WNT5B: variants seen among roughly 807,000 people sequenced by gnomAD.
WNT5B encodes protein Wnt-5b.
A neutral mutation model predicts 36.5 loss-of-function variants in WNT5B; 18 were observed. The ratio of observed to expected loss-of-function variants is 0.49; its 90% CI spans 0.34 to 0.73. The LOEUF (loss-of-function observed/expected upper bound fraction) is 0.73, where lower values mean the gene tolerates loss of function less well. Among genes scored for constraint, WNT5B ranks in the 30% least tolerant of loss-of-function variants. The pLI, the probability that WNT5B is intolerant of heterozygous loss-of-function variation, is 0.01. For synonymous variants in WNT5B, 213 were observed against 212.3 expected, an observed-to-expected ratio of 1.00 and a Z score of -0.03; for missense variants, 424 against 508.4, an observed-to-expected ratio of 0.83 and a Z score of 1.60.
rs771521147 is a variant in WNT5B, at chr12:1,639,712, G to A, written c.357G>A (p.Ala119=). ...IGSRETAFTH[A]VSAAGVVNAI... is the part of the protein sequence containing the mutation. ...GCCGAGAGACCGCCTTCACCCACGC[G>A]GTGAGCGCCGCGGGCGTGGTCAACG... is the stretch of plus-strand genomic sequence containing the variant. Residue 119 remains alanine, a synonymous_variant, in exon 4 of 5, where the codon GCG becomes GCA. Transcript: ENST00000397196. The A allele has an allele frequency of 5.5e-5, 87 of 1,583,952 alleles. No homozygotes were observed. The African/African-American group carries it at 9.1e-4, about 17-fold the overall frequency.
chr12:1,639,633 TC>T, intron 3 of WNT5B, 50 bp from the exon 4 acceptor site: 4 of 1,441,846 alleles, frequency 2.8e-6, no homozygotes, highest in Admixed American at 2.8e-5. Context: ...GAAGGACAGG[TC>T]CCCGGGAGAG....
intron 4 of WNT5B, 31 bp from the exon 5 acceptor site, chr12:1,645,763 C>G (rs761966456): frequency 6.5e-7 from 1 of 1,540,974 alleles, no homozygotes; most frequent in Non-Finnish European, 8.8e-7. Flanking sequence ...CCGGGATCCT[C>G]CTTCTTACTG....
chr12:1,646,092 C>A lies in WNT5B; in HGVS notation c.920C>A (p.Thr307Asn). ...LGTQGRLCNK[T>N]SEGMDGCELM... ...ACGCAGGGCCGCCTCTGCAACAAGACCTCGGAGGGCATGGATGGCTGTGAG... is the reference window on the plus strand; with the variant it reads ...ACGCAGGGCCGCCTCTGCAACAAGAACTCGGAGGGCATGGATGGCTGTGAG... Residue 307 changes from threonine to asparagine, a missense_variant, in exon 5 of 5, where the codon ACC becomes AAC. By Grantham distance (65) the Thr-to-Asn change is moderately conservative. Coordinates refer to ENST00000397196, the MANE Select transcript of WNT5B (RefSeq NM_032642.3). 6.2e-7 allele frequency: 1 copy of A among 1,614,016 alleles called. No homozygotes were observed. The highest frequency in any genetic ancestry group is 8.5e-7 in the Non-Finnish European group (1 of 1,180,050).
chr12:1,640,128 T>C (rs1391893457), intron 4 of WNT5B, 152 bp downstream of exon 4: 14 of 925,276 alleles, frequency 1.5e-5, no homozygotes, highest in Non-Finnish European at 2.2e-5. Flanking sequence ...GTCCACGTTA[T>C]TGAACAAATC....
intron 1 of WNT5B, among the ~76,000 whole-genome samples, chr12:1,621,904 G>A (rs1300801292): frequency 1.3e-5 from 2 of 151,982 alleles, no homozygotes; most frequent in African/African-American, 4.8e-5. Context: ...TGAAAACAGT[G>A]GAAATTATTG....
upstream of WNT5B, among the ~76,000 whole-genome samples, chr12:1,627,216 C>G (rs12422373): frequency 0.28 from 42,770 of 152,056 alleles, 6,168 homozygotes; most frequent in South Asian, 0.4. The surrounding 1 kb of genome is among the most constrained non-coding windows in gnomAD (Gnocchi z 5.0). Flanking sequence ...CAAAGGAGGC[C>G]TGCTCAGCAC....
At chr12:1,634,999 C>T (rs1040811456) in intron 3 of WNT5B, among the ~76,000 whole-genome samples, 5 of 152,258 alleles carry the variant, frequency 3.3e-5, no homozygotes, top group East Asian at 3.9e-4. Context: ...TGAACTGTTG[C>T]GTATATAGAT....
intron 1 of WNT5B, among the ~76,000 whole-genome samples, chr12:1,624,088 A>G (rs147546057): frequency 1.3e-3 from 201 of 152,278 alleles, no homozygotes; most frequent in African/African-American, 4.6e-3. Context: ...GCAATGGTGC[A>G]ACGAAGAAAA....
At chr12:1,624,578 G>A (rs574612395), upstream of WNT5B, among the ~76,000 whole-genome samples, 3 of 152,152 alleles carry the variant, frequency 2.0e-5, no homozygotes, top group East Asian at 3.9e-4. Flanking sequence ...CACAAATGTT[G>A]GCAGAGATTA....
chr12:1,624,883 C>T (rs1469857298), upstream of WNT5B, among the ~76,000 whole-genome samples: 2 of 151,828 alleles, frequency 1.3e-5, no homozygotes, highest in African/African-American at 4.8e-5. Context: ...TTCATAAGGG[C>T]CGAAGAGGTT....
At chr12:1,620,547 T>G (rs550885231) in intron 1 of WNT5B, among the ~76,000 whole-genome samples, 13 of 151,992 alleles carry the variant, frequency 8.6e-5, no homozygotes, top group Non-Finnish European at 1.5e-4. Flanking sequence ...TGTTGTTGTT[T>G]TTTTTTTTTG....
At chr12:1,620,705 ATT>A (rs746469978) in intron 1 of WNT5B, among the ~76,000 whole-genome samples, 32,842 of 104,858 alleles carry the variant, frequency 0.31, 4,229 homozygotes, top group African/African-American at 0.41. Flanking sequence ...CACCCAGCAA[ATT>A]TTTTTTTTTT....
chr12:1,632,545 C>T lies in WNT5B; in HGVS notation c.81-113C>T. On this transcript the variant is annotated intron_variant, in intron 2 of 4. Coordinates refer to ENST00000397196, the MANE Select transcript of WNT5B (RefSeq NM_032642.3). This position sits in a 1 kb window ranked among gnomAD's most constrained non-coding sequence, Gnocchi z 5.8. ...GATTTACTAATTTTTCTTTCCAGGG[C>T]CTTGTACACAGGGACGCATTCAATA... 4 of 1,446,584 alleles carry T rather than the reference C, an allele frequency of 2.8e-6. No individual in the cohort carries two copies. The highest frequency in any genetic ancestry group is 3.7e-6 in the Non-Finnish European group (4 of 1,075,184). 89.6% of individuals were successfully genotyped at this position (1,446,584 alleles called of 1,614,324 possible).
rs2094547625 is a variant in WNT5B at position 1,630,169 on chromosome 12, G to A, written c.-58+798G>A. 5.1e-6 allele frequency: 5 copies of A among 985,414 alleles called. No individual in the cohort carries two copies. The highest frequency in any genetic ancestry group is 6.1e-5 in the Admixed American group (1 of 16,286). 61.0% of individuals were successfully genotyped at this position (985,414 alleles called of 1,614,324 possible). A position where few individuals can be genotyped will look rare whatever the true frequency, so the allele number is the denominator to read the frequency against. ...GCCGCCCCCTCCCGGGGAGCCTGGG[G>A]ACGCCGACGCGCGAGAGTGGCGCAG... On this transcript the variant is annotated intron_variant, in intron 1 of 4. Coordinates refer to ENST00000397196, the MANE Select transcript of WNT5B (RefSeq NM_032642.3). This position sits in a 1 kb window ranked among gnomAD's most constrained non-coding sequence, Gnocchi z 5.3.
rs2094585741 is a variant in WNT5B, at chr12:1,646,383, G to A, written c.*131G>A. On this transcript the variant is annotated 3_prime_UTR_variant, in exon 5 of 5. Transcript: ENST00000397196. ...GCTATACAATGGAAAGATGAAAATG[G>A]AAAGGAAGAGCTTATTTAAGAGACG... The A allele has an allele frequency of 2.6e-6, 2 of 781,572 alleles. No individual in the cohort carries two copies. The highest frequency in any genetic ancestry group is 3.5e-6 in the Non-Finnish European group (2 of 568,234). 48.4% of individuals were successfully genotyped at this position (781,572 alleles called of 1,614,324 possible).
chr12:1,624,501 T>C (rs1347340003), upstream of WNT5B, among the ~76,000 whole-genome samples: 1 of 152,110 alleles, frequency 6.6e-6, no homozygotes. Context: ...ACCATTCAAT[T>C]GCTGTATGAA....
At chr12:1,620,667 T>G (rs1382351836) in intron 1 of WNT5B, among the ~76,000 whole-genome samples, 1 of 151,128 alleles carries the variant, frequency 6.6e-6, no homozygotes, top group Non-Finnish European at 1.5e-5. Context: ...GGCTCCCAAG[T>G]AGCTGGGACT....
At chr12:1,638,301 C>T (rs1476720043) in intron 3 of WNT5B, among the ~76,000 whole-genome samples, 1 of 152,206 alleles carries the variant, frequency 6.6e-6, no homozygotes, top group South Asian at 2.1e-4. Context: ...CACAAGAAAG[C>T]TGAGCATAGT....
intron 1 of WNT5B, among the ~76,000 whole-genome samples, chr12:1,623,613 T>C (rs192618295): frequency 6.6e-6 from 1 of 152,182 alleles, no homozygotes; most frequent in Non-Finnish European, 1.5e-5. Context: ...GTAAGAGCCT[T>C]TCTTGCTGAG....
Sources: allele counts gnomAD v4.1 joint callset (sites outside exome capture counted in the v4.1 genomes callset), GRCh38; gene constraint gnomAD v4.1.1; non-coding constraint Gnocchi (gnomAD v3.1); transcripts MANE v1.5; gene names NCBI Gene and HGNC (gene_info 2026-07-23, HGNC 2026-07-21).